The following ADAMTSL1 variants were observed in gnomAD, a reference collection of about 807,000 sequenced individuals.
ADAMTSL1 encodes ADAMTS-like protein 1.
A neutral mutation model predicts 201.8 loss-of-function variants in ADAMTSL1; 126 were observed. The ratio of observed to expected loss-of-function variants is 0.62; its 90% CI spans 0.54 to 0.72. The LOEUF (loss-of-function observed/expected upper bound fraction) is 0.72. Ranked by LOEUF, ADAMTSL1 falls within the 30% of genes least tolerant of loss-of-function variation. ADAMTSL1 has a pLI of 0.00. For synonymous variants in ADAMTSL1, 1,121 were observed against 903.4 expected, an observed-to-expected ratio of 1.24 and a Z score of -4.32; for missense variants, 2,679 against 2,277.8, an observed-to-expected ratio of 1.18 and a Z score of -3.59.
chr9:18,600,475 C>A (rs1824573528), intron 4 of ADAMTSL1, among the ~76,000 whole-genome samples: 2 of 152,286 alleles, frequency 1.3e-5, no homozygotes, highest in Admixed American at 1.3e-4. Context: ...TAGAATTATA[C>A]TTCCCTCCTA....
At chr9:18,781,068 T>C (rs1289690687) in intron 19 of ADAMTSL1, among the ~76,000 whole-genome samples, 1 of 152,198 alleles carries the variant, frequency 6.6e-6, no homozygotes, top group Non-Finnish European at 1.5e-5. Context: ...TTGGCCCTTT[T>C]AATTTTTACC....
In ADAMTSL1 at chr9:17,920,900, C is replaced by T. The variant is rs557715198; in HGVS notation, c.87+13978C>T. On this transcript the variant is annotated intron_variant, in intron 1 of 29. Transcript: ENST00000680146. ...ACCAGGCAAGAGGGCGGATTTGGCCCATGGGCCATCGTTTGCAGACCCCTG... is the reference window on the plus strand; with the variant it reads ...ACCAGGCAAGAGGGCGGATTTGGCCTATGGGCCATCGTTTGCAGACCCCTG... Among the ~76,000 whole-genome samples the T allele has an allele frequency of 2.6e-4, 40 of 152,298 alleles. 1 individual carries two copies. In the East Asian group the frequency reaches 6.4e-3, roughly 24 times the overall value.
intron 1 of ADAMTSL1, among the ~76,000 whole-genome samples, chr9:17,935,199 C>G (rs188286387): frequency 6.6e-6 from 1 of 152,178 alleles, no homozygotes; most frequent in African/African-American, 2.4e-5. Flanking sequence ...TTAACACACA[C>G]AGTCATGCCC....
chr9:18,051,422 A>C (rs572233483), intron 1 of ADAMTSL1, among the ~76,000 whole-genome samples: 1 of 152,254 alleles, frequency 6.6e-6, no homozygotes, highest in East Asian at 1.9e-4. Context: ...AGGTAGGAAT[A>C]CTTGGAATAT....
At chr9:18,011,374 G>A (rs998538427) in intron 1 of ADAMTSL1, among the ~76,000 whole-genome samples, 15 of 151,982 alleles carry the variant, frequency 9.9e-5, no homozygotes, top group African/African-American at 2.9e-4. Flanking sequence ...AGTGGGACAG[G>A]CAAACAAATC....
intron 2 of ADAMTSL1, among the ~76,000 whole-genome samples, chr9:18,174,223 T>C (rs572482830): frequency 2.0e-5 from 3 of 152,126 alleles, no homozygotes; most frequent in Admixed American, 6.5e-5. Flanking sequence ...TCCCAAGGAG[T>C]CCCTTAGTTG....
At chr9:18,425,992 G>A (rs1819201763) in intron 2 of ADAMTSL1, among the ~76,000 whole-genome samples, 1 of 152,114 alleles carries the variant, frequency 6.6e-6, no homozygotes, top group Non-Finnish European at 1.5e-5. Context: ...CCAGAAAAGT[G>A]CCAACCCGTT....
At chr9:18,574,575 C>T (rs563252040) in intron 4 of ADAMTSL1, 4 of 498,268 alleles carry the variant, frequency 8.0e-6, no homozygotes, top group Admixed American at 7.6e-5. Context: ...ATTGGCTATT[C>T]CTGAAGTGTG....
At chr9:18,905,972 C>T (rs1215315687) in intron 27 of ADAMTSL1, 81 bp downstream of exon 27, 1 of 1,259,818 alleles carries the variant, frequency 7.9e-7, no homozygotes, top group African/African-American at 1.5e-5. Context: ...TGTTTCTCCT[C>T]CAACTAACTT....
intron 3 of ADAMTSL1, among the ~76,000 whole-genome samples, chr9:18,546,418 CT>C (rs1411992451): frequency 2.0e-5 from 3 of 151,984 alleles, no homozygotes; most frequent in African/African-American, 7.3e-5. Context: ...CTCAAGTGAT[CT>C]TCTCATTAAA....
intron 2 of ADAMTSL1, among the ~76,000 whole-genome samples, chr9:18,257,482 C>T (rs1462060607): frequency 1.3e-5 from 2 of 152,094 alleles, no homozygotes; most frequent in East Asian, 3.8e-4. Flanking sequence ...CTTCACACTA[C>T]AATAGTTATT....
In ADAMTSL1 at chr9:18,777,714, G is replaced by C. The variant is rs767012703; in HGVS notation, c.3485G>C (p.Arg1162Pro). The C allele has an allele frequency of 1.2e-6, 2 of 1,613,082 alleles. No individual in the cohort carries two copies. The highest frequency in any genetic ancestry group is 1.7e-6 in the Non-Finnish European group (2 of 1,179,626). The change falls in exon 19 of 29, where the codon CGC becomes CCC. Residue 1162 changes from arginine to proline, a missense_variant. Physicochemically the swap from Arg to Pro is moderately radical, Grantham distance 103. Coordinates refer to ENST00000380548, the MANE Select transcript of ADAMTSL1 (RefSeq NM_001040272.6). ...GGGGGAGGCTCTCGAAGGCCACACC[G>C]CAAGCCCACCATCCTGCGCAAGATC... is the stretch of plus-strand genomic sequence containing the variant. The part of the protein sequence containing the change: ...DAGGGSRRPH[R>P]KPTILRKISA...
chr9:18,151,775 C>T (rs991044208), intron 1 of ADAMTSL1, among the ~76,000 whole-genome samples: 4 of 152,008 alleles, frequency 2.6e-5, no homozygotes, highest in Non-Finnish European at 5.9e-5. Flanking sequence ...GCCCAAAACA[C>T]ATACCATCAG....
At chr9:18,329,665 T>G (rs1834955560) in intron 2 of ADAMTSL1, among the ~76,000 whole-genome samples, 1 of 152,224 alleles carries the variant, frequency 6.6e-6, no homozygotes, top group Admixed American at 6.5e-5. Flanking sequence ...TGTCATGTCC[T>G]GCAAGGAATC....
At chr9:18,159,616 A>G (rs1436821101) in intron 1 of ADAMTSL1, among the ~76,000 whole-genome samples, 1 of 152,048 alleles carries the variant, frequency 6.6e-6, no homozygotes, top group Non-Finnish European at 1.5e-5. Context: ...TCTGTATTTT[A>G]ACTTTCCAAA....
In ADAMTSL1 at chr9:17,909,904, C is replaced by T. The variant is rs1393509041; in HGVS notation, c.87+2982C>T. On this transcript the variant is annotated intron_variant, in intron 1 of 29. Transcript: ENST00000680146. ...CTAGATGAGGAGTTAGTGGGTGCAG[C>T]GCACCAGCATGGCACATGTATACAT... Among the ~76,000 whole-genome samples, 5 of 66,224 alleles carry T rather than the reference C, an allele frequency of 7.6e-5. 2 individuals carry two copies. The highest frequency in any genetic ancestry group is 1.8e-4 in the Non-Finnish European group (4 of 21,834). 43.4% of individuals were successfully genotyped at this position (66,224 alleles called of 152,430 possible).
In ADAMTSL1 at chr9:18,267,380, A is replaced by C. The variant is rs115300452; in HGVS notation, c.207+103399A>C. Among the ~76,000 whole-genome samples, 1,421 of 152,256 alleles carry C rather than the reference A, an allele frequency of 9.3e-3. 21 individuals carry two copies. The highest frequency in any genetic ancestry group is 0.033 in the African/African-American group (1,370 of 41,554). Reference sequence around the variant, plus strand: ...TACAGGTGAGAGAGCTGGTAAACACAGGACCTGACTCTTGCATGTGGCCAG... The same window carrying C: ...TACAGGTGAGAGAGCTGGTAAACACCGGACCTGACTCTTGCATGTGGCCAG... On this transcript the variant is annotated intron_variant, in intron 2 of 29. Coordinates refer to the ADAMTSL1 transcript ENST00000680146.
intron 15 of ADAMTSL1, among the ~76,000 whole-genome samples, chr9:18,734,285 A>T (rs1001467920): frequency 6.6e-6 from 1 of 152,128 alleles, no homozygotes; most frequent in African/African-American, 2.4e-5. Flanking sequence ...TGATTGGAGG[A>T]TGTAGGTGAT....
chr9:18,584,466 T>G (rs928691386), intron 4 of ADAMTSL1, among the ~76,000 whole-genome samples: 1 of 152,140 alleles, frequency 6.6e-6, no homozygotes, highest in African/African-American at 2.4e-5. Context: ...GGAAACAGAC[T>G]AATACATCGC....
Sources: gnomAD v4.1 joint callset for allele counts (sites outside exome capture counted in the v4.1 genomes callset) on GRCh38, gnomAD v4.1.1 for gene constraint, MANE v1.5 for transcripts, NCBI Gene and HGNC (gene_info 2026-07-23, HGNC 2026-07-21) for gene names.